ACVR2B: variants seen among roughly 807,000 people sequenced by gnomAD.
The protein encoded by ACVR2B is activin A receptor type 2B, also known as activin receptor type-2B.
In ACVR2B, 18 loss-of-function variants were observed where a neutral mutation model predicts 65.1. That is an observed-to-expected ratio of 0.28 (90% CI 0.19 to 0.41). The LOEUF (loss-of-function observed/expected upper bound fraction) is 0.41, where lower values mean the gene tolerates loss of function less well. Ranked by LOEUF, ACVR2B falls within the 10% of genes least tolerant of loss-of-function variation. ACVR2B has a pLI of 1.00. For synonymous variants in ACVR2B, 298 were observed against 277.7 expected, an observed-to-expected ratio of 1.07 and a Z score of -0.73; for missense variants, 482 against 682.7, an observed-to-expected ratio of 0.71 and a Z score of 3.28.
chr3:38,460,231 C>T (rs1214685598), intron 1 of ACVR2B, among the ~76,000 whole-genome samples: 1 of 151,518 alleles, frequency 6.6e-6, no homozygotes, highest in Non-Finnish European at 1.5e-5. Context: ...AAACAGACAC[C>T]CACCCCCTTG....
chr3:38,475,846 GCTGGCTGT>G (rs1709898185), intron 1 of ACVR2B: 1 of 153,754 alleles, frequency 6.5e-6, no homozygotes, highest in Non-Finnish European at 1.4e-5. Flanking sequence ...CTGCTGGTGG[GCTGGCTGT>G]CTGGTGGGAT....
rs1302353655 is a variant in ACVR2B, at chr3:38,485,535, C to G, written c.*2203C>G. 1.3e-5 allele frequency: 2 copies of G among 152,236 alleles called. No homozygotes were observed. The highest frequency in any genetic ancestry group is 2.9e-5 in the Non-Finnish European group (2 of 68,078). 9.4% of individuals were successfully genotyped at this position (152,236 alleles called of 1,614,324 possible). Reference sequence around the variant, plus strand: ...GCTTACTGCCCCGGGGTCCTTTCCTCTGGGTGTTGGGGCACAGGGTGCTAT... The same window carrying G: ...GCTTACTGCCCCGGGGTCCTTTCCTGTGGGTGTTGGGGCACAGGGTGCTAT... On this transcript the variant is annotated 3_prime_UTR_variant, in exon 11 of 11. Coordinates refer to ENST00000352511, the MANE Select transcript of ACVR2B (RefSeq NM_001106.4).
In ACVR2B at chr3:38,492,733, C is replaced by T. The variant is rs1559662767; in HGVS notation, c.*9401C>T. ...TGTGCTGATTTATATATATATATTA[C>T]ACACACACACACACACACACACACA... On this transcript the variant is annotated 3_prime_UTR_variant, in exon 11 of 11. Transcript: ENST00000352511. 1 of 988 alleles carries T rather than the reference C, an allele frequency of 1.0e-3. No homozygotes were observed. The highest frequency in any genetic ancestry group is 5.1e-3 in the African/African-American group (1 of 196). The allele number at this position is 988 out of a possible 1,614,324, so 0.1% of individuals were successfully genotyped here.
intron 1 of ACVR2B, among the ~76,000 whole-genome samples, chr3:38,466,782 C>T (rs886810829): frequency 2.6e-5 from 4 of 152,122 alleles, no homozygotes; most frequent in African/African-American, 9.7e-5. Context: ...GGATTATAGG[C>T]ATGAGCCACC....
At chr3:38,459,690 G>T (rs1257855992) in intron 1 of ACVR2B, 1 of 984,706 alleles carries the variant, frequency 1.0e-6, no homozygotes, top group Non-Finnish European at 1.2e-6. Flanking sequence ...CTCCCCAAAG[G>T]TATGGGTGCA....
chr3:38,477,606 C>T lies in ACVR2B; in HGVS notation c.260+112C>T, dbSNP rs974089953. On this transcript the variant is annotated intron_variant, in intron 2 of 10. Coordinates refer to ENST00000352511, the MANE Select transcript of ACVR2B (RefSeq NM_001106.4). The surrounding 1 kb of genome is among the most constrained non-coding windows in gnomAD (Gnocchi z 6.7). ...TGGGAGATAAAGGACCAAGAAGGGG[C>T]TCTTGAGATGGTAGCCATGGCCCCA... 2 of 1,303,596 alleles carry T rather than the reference C, an allele frequency of 1.5e-6. No individual in the cohort carries two copies. Among genetic ancestry groups the T allele is most frequent in the Non-Finnish European group, 2.2e-6 (2 of 921,190 alleles). The allele number at this position is 1,303,596 out of a possible 1,614,324, so 80.8% of individuals were successfully genotyped here.
chr3:38,483,123 C>T lies in ACVR2B; in HGVS notation c.1345-15C>T, dbSNP rs377530632. The stretch of plus-strand genomic sequence containing the variant: ...CTAACAAAGGTGTCTTTCCTGTCTG[C>T]CCTATGCTGCTTAGGGCCTGGCCCA... On this transcript the variant is annotated splice_polypyrimidine_tract_variant and intron_variant, in intron 10 of 10. Coordinates refer to ENST00000352511, the MANE Select transcript of ACVR2B (RefSeq NM_001106.4). The surrounding 1 kb of genome is among the most constrained non-coding windows in gnomAD (Gnocchi z 4.8). 8.3e-5 allele frequency: 134 copies of T among 1,614,054 alleles called. 1 individual carries two copies. Among genetic ancestry groups the T allele is most frequent in the Admixed American group, 2.2e-4 (13 of 60,018 alleles).
In ACVR2B at chr3:38,483,238, G is replaced by A. The variant is rs747041699; in HGVS notation, c.1445G>A (p.Arg482Gln). Reference sequence around the variant, plus strand: ...GTGGAGGAGCGGGTGTCCCTGATTCGGAGGTCGGTCAACGGCACTACCTCG... The same window carrying A: ...GTGGAGGAGCGGGTGTCCCTGATTCAGAGGTCGGTCAACGGCACTACCTCG... ...GCVEERVSLI[R>Q]RSVNGTTSDC... Residue 482 changes from arginine to glutamine, a missense_variant, in exon 11 of 11, where the codon CGG (arginine) becomes CAG (glutamine). Transcript: ENST00000352511. This position sits in a 1 kb window ranked among gnomAD's most constrained non-coding sequence, Gnocchi z 4.8. 11 of 1,614,042 alleles carry A rather than the reference G, an allele frequency of 6.8e-6. No individual in the cohort carries two copies. The highest frequency in any genetic ancestry group is 3.3e-5 in the Admixed American group (2 of 60,010).
intron 1 of ACVR2B, among the ~76,000 whole-genome samples, chr3:38,464,974 C>T (rs930176810): frequency 6.6e-6 from 1 of 152,050 alleles, no homozygotes; most frequent in African/African-American, 2.4e-5. Flanking sequence ...TCCTAGGCCT[C>T]GAATTATCTC....
In ACVR2B at chr3:38,483,383, A is replaced by C. The variant is rs950009185; in HGVS notation, c.*51A>C. On this transcript the variant is annotated 3_prime_UTR_variant, in exon 11 of 11. Coordinates refer to ENST00000352511, the MANE Select transcript of ACVR2B (RefSeq NM_001106.4). This position sits in a 1 kb window ranked among gnomAD's most constrained non-coding sequence, Gnocchi z 4.8. Reference sequence around the variant, plus strand: ...ACTCAGTGGATCTGAAGAAAAAAGGAAAAAAAGTTGTGTTTTGTTTTGGAA... The same window carrying C: ...ACTCAGTGGATCTGAAGAAAAAAGGCAAAAAAGTTGTGTTTTGTTTTGGAA... 5 of 1,600,288 alleles carry C rather than the reference A, an allele frequency of 3.1e-6. No individual in the cohort carries two copies. In the Admixed American group the frequency reaches 5.0e-5, roughly 16 times the overall value.
intron 1 of ACVR2B, chr3:38,459,693 T>C (rs1709609292): frequency 2.0e-6 from 2 of 983,954 alleles, no homozygotes; most frequent in African/African-American, 3.5e-5. Flanking sequence ...CCCAAAGGTA[T>C]GGGTGCAAGT....
intron 1 of ACVR2B, among the ~76,000 whole-genome samples, chr3:38,473,269 C>T (rs939877796): frequency 5.9e-5 from 9 of 152,242 alleles, no homozygotes; most frequent in Non-Finnish European, 1.2e-4. Context: ...GTCTGGGGGC[C>T]ATGCTCACTT....
rs1411302234 is a variant in ACVR2B at position 38,482,504 on chromosome 3, G to A, written c.1288G>A (p.Val430Met). The A allele has an allele frequency of 5.0e-6, 8 of 1,612,574 alleles. No homozygotes were observed. Among genetic ancestry groups the A allele is most frequent in the Non-Finnish European group, 6.8e-6 (8 of 1,179,894 alleles). The change falls in exon 10 of 11, where the codon GTG becomes ATG. Residue 430 changes from valine (V) to methionine (M), a missense_variant. Coordinates refer to ENST00000352511, the MANE Select transcript of ACVR2B (RefSeq NM_001106.4). The part of the protein sequence containing the change: ...QHPSLEELQE[V>M]VVHKKMRPTI... The stretch of plus-strand genomic sequence containing the variant: ...CCCTTCGTTGGAGGAGCTGCAGGAG[G>A]TGGTGGTGCACAAGAAGATGAGGCC...
At position 38,488,397 on chromosome 3, in the gene ACVR2B, T is replaced by G. The variant is rs1184319133; in HGVS notation, c.*5065T>G. On this transcript the variant is annotated 3_prime_UTR_variant, in exon 11 of 11. Coordinates refer to ENST00000352511, the MANE Select transcript of ACVR2B (RefSeq NM_001106.4). Reference sequence around the variant, plus strand: ...TGGAAAAGATTTTTGAAATAATGATTTAGTTTTGTAGGAAAAACACCCCCT... The same window carrying G: ...TGGAAAAGATTTTTGAAATAATGATGTAGTTTTGTAGGAAAAACACCCCCT... 1 of 152,208 alleles carries G rather than the reference T, an allele frequency of 6.6e-6. No individual in the cohort carries two copies. The highest frequency in any genetic ancestry group is 1.5e-5 in the Non-Finnish European group (1 of 68,016). The allele number at this position is 152,208 out of a possible 1,614,324, so 9.4% of individuals were successfully genotyped here.
chr3:38,454,561 G>A, intron 1 of ACVR2B, 187 bp downstream of exon 1: 1 of 432,608 alleles, frequency 2.3e-6, no homozygotes, highest in South Asian at 1.2e-4. Context: ...TTGGGGGCAC[G>A]ATCTTGTCTG....
intron 1 of ACVR2B, among the ~76,000 whole-genome samples, chr3:38,457,474 C>G (rs952700164): frequency 3.3e-5 from 5 of 152,166 alleles, no homozygotes; most frequent in Non-Finnish European, 7.3e-5. Flanking sequence ...CAAGATCAGT[C>G]AGTGGTTAGT....
intron 1 of ACVR2B, chr3:38,475,321 C>T (rs952323830): frequency 6.6e-6 from 1 of 152,266 alleles, no homozygotes; most frequent in Non-Finnish European, 1.5e-5. Flanking sequence ...TCTGTGGACC[C>T]TGAGGCCCTT....
Position 38,477,028 on chromosome 3 carries a change from C to A in ACVR2B, c.53-259C>A. 1.7e-6 allele frequency: 1 copy of A among 575,784 alleles called. No individual in the cohort carries two copies. The highest frequency in any genetic ancestry group is 3.1e-6 in the Non-Finnish European group (1 of 321,886). 35.7% of individuals were successfully genotyped at this position (575,784 alleles called of 1,614,324 possible). ...TCTGTGGCATTAGGTTTCCTGCCTCCTCCCTTTTGCTTAGGCCTAGGGGCA... is the reference window on the plus strand; with the variant it reads ...TCTGTGGCATTAGGTTTCCTGCCTCATCCCTTTTGCTTAGGCCTAGGGGCA... On this transcript the variant is annotated intron_variant, in intron 1 of 10. Transcript: ENST00000352511. This position sits in a 1 kb window ranked among gnomAD's most constrained non-coding sequence, Gnocchi z 6.7.
intron 1 of ACVR2B, among the ~76,000 whole-genome samples, chr3:38,463,464 G>C (rs1293027420): frequency 1.3e-5 from 2 of 152,216 alleles, no homozygotes; most frequent in Admixed American, 1.3e-4. Context: ...GTGAGTTTCT[G>C]TTCCTGGCTG....
Sources: allele counts gnomAD v4.1 joint callset (sites outside exome capture counted in the v4.1 genomes callset), GRCh38; gene constraint gnomAD v4.1.1; non-coding constraint Gnocchi (gnomAD v3.1); transcripts MANE v1.5; gene names NCBI Gene and HGNC (gene_info 2026-07-23, HGNC 2026-07-21).